The following CASC3 variants were observed in gnomAD, a reference collection of about 807,000 sequenced individuals.
CASC3 encodes protein CASC3.
CASC3 carries 30 observed loss-of-function variants against 80.5 expected under a neutral mutation model. The ratio of observed to expected loss-of-function variants is 0.37; its 90% CI spans 0.28 to 0.51. CASC3 has a LOEUF of 0.51. Ranked by LOEUF, CASC3 falls within the 20% of genes least tolerant of loss-of-function variation. The pLI is 0.94. For missense variants in CASC3, 824 were observed against 922.2 expected, an observed-to-expected ratio of 0.89 and a Z score of 1.38; for synonymous variants, 312 against 333.6, an observed-to-expected ratio of 0.94 and a Z score of 0.70.
intron 7 of CASC3, among the ~76,000 whole-genome samples, chr17:40,165,553 C>A (rs528153283): frequency 6.6e-6 from 1 of 152,022 alleles, no homozygotes; most frequent in African/African-American, 2.4e-5. Flanking sequence ...AAGAAGACAA[C>A]GTTATTATTT....
At chr17:40,158,011 A>G (rs1259122501) in intron 3 of CASC3, among the ~76,000 whole-genome samples, 1 of 152,188 alleles carries the variant, frequency 6.6e-6, no homozygotes, top group East Asian at 1.9e-4. Flanking sequence ...GCCTTGGGTG[A>G]CAGAGGCAGT....
At chr17:40,167,168 G>T in intron 8 of CASC3, 1 of 485,556 alleles carries the variant, frequency 2.1e-6, no homozygotes, top group Non-Finnish European at 3.6e-6. Flanking sequence ...CACCATGTTG[G>T]CCAGGCTGGT....
At chr17:40,142,832 C>T (rs1454258659) in intron 3 of CASC3, among the ~76,000 whole-genome samples, 1 of 151,814 alleles carries the variant, frequency 6.6e-6, no homozygotes, top group Non-Finnish European at 1.5e-5. Context: ...ATCCGGGAGG[C>T]GGAGCTTGCA....
intron 3 of CASC3, among the ~76,000 whole-genome samples, chr17:40,159,968 G>A (rs1177209005): frequency 6.6e-6 from 1 of 151,772 alleles, no homozygotes; most frequent in African/African-American, 2.4e-5. Context: ...CACCTACCTC[G>A]GCCTCCCAGA....
chr17:40,168,552 C>G, intron 11 of CASC3, 135 bp downstream of exon 11: 1 of 753,040 alleles, frequency 1.3e-6, no homozygotes, highest in Non-Finnish European at 2.2e-6. Context: ...ACCAAGACGC[C>G]TCTTAGTGGT....
Position 40,141,558 on chromosome 17 carries a change from G to C in CASC3, c.260-12G>C, listed in dbSNP as rs776929744. 2 of 1,612,536 alleles carry C rather than the reference G, an allele frequency of 1.2e-6. No homozygotes were observed. The highest frequency in any genetic ancestry group is 2.7e-5 in the African/African-American group (2 of 74,812). ...GGTTTCTTTTTTTCCACATATTTCT[G>C]TTTTATTTCAGCTGTTCTCTCGGAT... On this transcript the variant is annotated splice_polypyrimidine_tract_variant and intron_variant, in intron 2 of 13. Coordinates refer to ENST00000264645, the MANE Select transcript of CASC3 (RefSeq NM_007359.5).
chr17:40,157,843 T>C (rs1476293054), intron 3 of CASC3, among the ~76,000 whole-genome samples: 1 of 152,224 alleles, frequency 6.6e-6, no homozygotes, highest in Non-Finnish European at 1.5e-5. Context: ...ATGTGTATTA[T>C]GTACTGTACT....
chr17:40,170,038 G>A (rs12451061), intron 13 of CASC3, among the ~76,000 whole-genome samples: 34 of 152,192 alleles, frequency 2.2e-4, no homozygotes, highest in Admixed American at 3.3e-4. Flanking sequence ...TTACAGGTGT[G>A]AGCCACCCCA....
In CASC3 at chr17:40,164,026, C is replaced by T. The variant is rs371630325; in HGVS notation, c.1331C>T (p.Pro444Leu). 4 of 1,613,928 alleles carry T rather than the reference C, an allele frequency of 2.5e-6. No homozygotes were observed. Among genetic ancestry groups the T allele is most frequent in the Admixed American group, 1.7e-5 (1 of 59,994 alleles). ...APPVPETTPT[P>L]PTKTGTWEAP... ...CCAGTCCCAGAAACCACCCCAACTC[C>T]ACCTACTAAGACTGGGACCTGGGAA... is the stretch of plus-strand genomic sequence containing the variant. The change falls in exon 7 of 14, where the codon CCA becomes CTA. Residue 444 changes from proline to leucine, a missense_variant. Coordinates refer to ENST00000264645, the MANE Select transcript of CASC3 (RefSeq NM_007359.5).
rs1567682119 is a variant in CASC3, at chr17:40,161,790, A to G, written c.335A>G (p.Lys112Arg). The G allele has an allele frequency of 6.2e-7, 1 of 1,614,178 alleles. No homozygotes were observed. Among genetic ancestry groups the G allele is most frequent in the Non-Finnish European group, 8.5e-7 (1 of 1,180,034 alleles). ...GAATACAGTGAAGAGGAAAACTCCA[A>G]AGTGGAGCTGAAATCAGAAGCTAAT... ...EGEYSEEENS[K>R]VELKSEANDA... The change falls in exon 4 of 14, where the codon AAA becomes AGA. Residue 112 changes from lysine (K) to arginine (R), a missense_variant. Around this residue, in one of 3 missense-constraint regions of CASC3, gnomAD observed 201 missense variants for 294.1 expected, o/e 0.68. Transcript: ENST00000264645.
At chr17:40,145,324 C>T (rs375686512) in intron 3 of CASC3, among the ~76,000 whole-genome samples, 1 of 151,876 alleles carries the variant, frequency 6.6e-6, no homozygotes, top group East Asian at 1.9e-4. Flanking sequence ...CAGGTGTGCA[C>T]CACCACGCTC....
At chr17:40,141,144 CT>C in intron 1 of CASC3, 62 bp from the exon 2 acceptor site, 1 of 1,484,006 alleles carries the variant, frequency 6.7e-7, no homozygotes, top group South Asian at 1.1e-5. Flanking sequence ...ACCCACATTT[CT>C]TTATTGGGCT....
chr17:40,166,964 TTTCTTTTTTTTTGAGACAG>T, intron 8 of CASC3, 103 bp downstream of exon 8: 1 of 850,010 alleles, frequency 1.2e-6, no homozygotes, highest in Non-Finnish European at 1.8e-6. Context: ...CTTTTCTTTC[TTTCTTTTTTTTTGAGACAG>T]AGTCTCGCTC....
intron 3 of CASC3, among the ~76,000 whole-genome samples, chr17:40,155,247 G>A (rs1000371923): frequency 1.3e-5 from 2 of 150,782 alleles, no homozygotes; most frequent in Admixed American, 6.6e-5. Context: ...TATACGTAAG[G>A]TTTTATTTTG....
At chr17:40,142,891 A>T (rs1988757001) in intron 3 of CASC3, among the ~76,000 whole-genome samples, 1 of 150,882 alleles carries the variant, frequency 6.6e-6, no homozygotes, top group Non-Finnish European at 1.5e-5. Flanking sequence ...ACAGAGCAAG[A>T]CTCCGTCTCA....
chr17:40,150,090 G>A (rs111660038), intron 3 of CASC3, among the ~76,000 whole-genome samples: 10,137 of 152,088 alleles, frequency 0.067, 466 homozygotes, highest in South Asian at 0.11. Flanking sequence ...GAAATAGAAG[G>A]ATAGAGCAGG....
Position 40,163,887 on chromosome 17 carries a change from C to T in CASC3, c.1192C>T (p.Pro398Ser). ...TGCTGCACCACCACCCCCTGATAGG[C>T]CCATTGAGAAGAAATCCTATTCCCG... Reference protein sequence around the residue: ...PDAAPPPPDRPIEKKSYSRAR... With the variant: ...PDAAPPPPDRSIEKKSYSRAR... Residue 398 changes from proline (P) to serine (S), a missense_variant, in exon 7 of 14, where the codon CCC becomes TCC. Coordinates refer to ENST00000264645, the MANE Select transcript of CASC3 (RefSeq NM_007359.5). 1 of 1,614,146 alleles carries T rather than the reference C, an allele frequency of 6.2e-7. No individual in the cohort carries two copies. The highest frequency in any genetic ancestry group is 8.5e-7 in the Non-Finnish European group (1 of 1,180,032).
At chr17:40,142,589 T>C (rs981988710) in intron 3 of CASC3, among the ~76,000 whole-genome samples, 1 of 151,818 alleles carries the variant, frequency 6.6e-6, no homozygotes, top group Non-Finnish European at 1.5e-5. Flanking sequence ...GTGGCCAAAA[T>C]GGTGAAACTC....
At position 40,164,071 on chromosome 17, in the gene CASC3, C is replaced by T. The variant is rs1989380779; in HGVS notation, c.1376C>T (p.Thr459Ile). The T allele has an allele frequency of 6.2e-7, 1 of 1,613,872 alleles. No homozygotes were observed. The highest frequency in any genetic ancestry group is 1.3e-5 in the African/African-American group (1 of 75,014). Residue 459 changes from threonine to isoleucine, a missense_variant, in exon 7 of 14, where the codon ACA (threonine) becomes ATA (isoleucine). Thr to Ile is a moderately conservative substitution (Grantham distance 89). Transcript: ENST00000264645. Reference protein sequence around the residue: ...GTWEAPVDSSTSGLEQDVAQL... With the variant: ...GTWEAPVDSSISGLEQDVAQL... ...TGGGAAGCTCCGGTGGATTCTAGTA[C>T]AAGTGGACTTGAGCAAGATGTGGCA...
Sources: allele counts gnomAD v4.1 joint callset (sites outside exome capture counted in the v4.1 genomes callset), GRCh38; gene constraint gnomAD v4.1.1; regional missense constraint gnomAD v4.1.1; transcripts MANE v1.5; gene names NCBI Gene and HGNC (gene_info 2026-07-23, HGNC 2026-07-21).